The following TMLHE variants were observed in gnomAD, a reference collection of about 807,000 sequenced individuals.
TMLHE encodes the protein trimethyllysine dioxygenase, mitochondrial.
TMLHE carries 18 observed loss-of-function variants against 25.7 expected under a neutral mutation model. That is an observed-to-expected ratio of 0.70 (90% CI 0.48 to 1.04). The LOEUF (loss-of-function observed/expected upper bound fraction) is 1.04, where lower values mean the gene tolerates loss of function less well. Ranked by LOEUF, TMLHE falls within the 50% of genes least tolerant of loss-of-function variation. The pLI, the probability that TMLHE is intolerant of heterozygous loss-of-function variation, is 0.00. For missense variants in TMLHE, 236 were observed against 259.0 expected (o/e 0.91, Z 0.61); for synonymous variants, 105 against 97.0 (o/e 1.08, Z -0.49).
At chrX:155,579,848 A>G (rs923021346) in intron 1 of TMLHE, among the ~76,000 whole-genome samples, 24 of 111,345 alleles carry the variant, frequency 2.2e-4, no homozygotes, top group African/African-American at 6.5e-4. Context: ...AAATACTTCA[A>G]TATAAAACCA....
intron 2 of TMLHE, among the ~76,000 whole-genome samples, chrX:155,535,851 C>T (rs2067276054): frequency 8.9e-6 from 1 of 112,142 alleles, no homozygotes. Context: ...AGATTGCCTA[C>T]AAGGGTCTGC....
intron 5 of TMLHE, among the ~76,000 whole-genome samples, chrX:155,510,710 ACG>A (rs2067104390): frequency 9.2e-6 from 1 of 109,045 alleles, no homozygotes; most frequent in Non-Finnish European, 1.9e-5. Context: ...CAGTAAACAT[ACG>A]TGTGCATGTG....
intron 2 of TMLHE, among the ~76,000 whole-genome samples, chrX:155,535,014 G>C (rs1557337448): frequency 8.9e-6 from 1 of 111,882 alleles, no homozygotes; most frequent in Non-Finnish European, 1.9e-5. Flanking sequence ...ACAGCAAGAA[G>C]GCAGAGGGCA....
At chrX:155,557,435 G>C (rs2067465357) in intron 1 of TMLHE, among the ~76,000 whole-genome samples, 1 of 112,197 alleles carries the variant, frequency 8.9e-6, no homozygotes, top group Admixed American at 9.4e-5. Context: ...AATGGATGTT[G>C]TTTTAAACCA....
At chrX:155,586,077 A>T (rs1557345259) in intron 1 of TMLHE, among the ~76,000 whole-genome samples, 2 of 110,293 alleles carry the variant, frequency 1.8e-5, no homozygotes, top group African/African-American at 3.3e-5. Flanking sequence ...ATACAAAAAA[A>T]TTAGCCAAGC....
At chrX:155,532,156 A>G (rs1557337117) in intron 2 of TMLHE, among the ~76,000 whole-genome samples, 1 of 111,897 alleles carries the variant, frequency 8.9e-6, no homozygotes, top group African/African-American at 3.3e-5. Context: ...CTCAGTTTCC[A>G]TAAAATATTA....
intron 1 of TMLHE, among the ~76,000 whole-genome samples, chrX:155,578,811 G>A (rs1000941966): frequency 9.0e-6 from 1 of 111,145 alleles, no homozygotes; most frequent in Non-Finnish European, 1.9e-5. Flanking sequence ...TGCCACCACT[G>A]GGGCCCCAAA....
intron 2 of TMLHE, among the ~76,000 whole-genome samples, chrX:155,532,668 CGTGTGTGTGT>C (rs33944459): frequency 5.8e-4 from 50 of 86,093 alleles, no homozygotes; most frequent in African/African-American, 1.6e-3. Context: ...ATGCAAAATT[CGTGTGTGTGT>C]GTGTGTGTGT....
Position 155,524,515 on chromosome X carries a change from A to G in TMLHE, c.299T>C (p.Val100Ala). 8.3e-7 allele frequency: 1 copy of G among 1,208,545 alleles called. No homozygotes were observed. The highest frequency in any genetic ancestry group is 1.1e-6 in the Non-Finnish European group (1 of 893,971). ...GGTCTTTGGCTTGATACATAAATCC[A>G]CACTGGCAGTATCCAGGCTGCGCTG... ...THQRSLDTAS[V>A]DLCIKPKTIR... is the part of the protein sequence containing the mutation. The change falls in exon 3 of 8, where the codon GTG becomes GCG. Residue 100 changes from valine (V) to alanine (A), a missense_variant. This residue lies in a region of TMLHE where 217 missense variants were observed against 214.6 expected (regional missense o/e 1.01). Coordinates refer to ENST00000334398, the MANE Select transcript of TMLHE (RefSeq NM_018196.4).
At chrX:155,541,332 G>A (rs782603992) in intron 2 of TMLHE, among the ~76,000 whole-genome samples, 2 of 111,271 alleles carry the variant, frequency 1.8e-5, no homozygotes, top group Non-Finnish European at 3.8e-5. Context: ...TGCTGAGAAT[G>A]ATGGTCTCCA....
intron 1 of TMLHE, among the ~76,000 whole-genome samples, chrX:155,556,314 C>T (rs1258822183): frequency 9.0e-6 from 1 of 111,643 alleles, no homozygotes; most frequent in Non-Finnish European, 1.9e-5. Context: ...TCATGCCACA[C>T]CTGGACTTCT....
intron 1 of TMLHE, among the ~76,000 whole-genome samples, chrX:155,583,534 A>G (rs1557344883): frequency 9.3e-6 from 1 of 108,080 alleles, no homozygotes; most frequent in Non-Finnish European, 1.9e-5. Context: ...ATCAAGCACT[A>G]TTCACAAAGG....
At chrX:155,595,240 G>C (rs1419574759) in intron 1 of TMLHE, among the ~76,000 whole-genome samples, 4 of 111,713 alleles carry the variant, frequency 3.6e-5, no homozygotes, top group Admixed American at 9.5e-5. Context: ...TAATTTCATA[G>C]ACACCTCTTG....
intron 1 of TMLHE, among the ~76,000 whole-genome samples, chrX:155,605,160 G>C (rs2067779486): frequency 8.9e-6 from 1 of 111,980 alleles, no homozygotes; most frequent in South Asian, 3.7e-4. Context: ...AGGAATTTAA[G>C]GATTATAATA....
At chrX:155,590,526 A>G (rs989938271) in intron 1 of TMLHE, among the ~76,000 whole-genome samples, 14 of 111,864 alleles carry the variant, frequency 1.3e-4, no homozygotes, top group African/African-American at 4.2e-4. Context: ...TCACATATAG[A>G]CATAATATAC....
chrX:155,548,453 AGGCTG>A (rs1371106636), intron 1 of TMLHE, among the ~76,000 whole-genome samples: 1 of 110,710 alleles, frequency 9.0e-6, no homozygotes, highest in Admixed American at 9.5e-5. Context: ...GACATCCTAC[AGGCTG>A]GGCACGGTGG....
chrX:155,579,562 G>A (rs1254835186), intron 1 of TMLHE, among the ~76,000 whole-genome samples: 1 of 111,620 alleles, frequency 9.0e-6, no homozygotes, highest in African/African-American at 3.3e-5. Flanking sequence ...ACACGTGCAG[G>A]TTTGTTACAA....
At chrX:155,542,985 A>G (rs1331577577) in intron 2 of TMLHE, among the ~76,000 whole-genome samples, 6 of 110,676 alleles carry the variant, frequency 5.4e-5, no homozygotes, top group South Asian at 3.8e-4. Context: ...TAATGTGTCT[A>G]TTTTTATGCC....
chrX:155,604,447 A>G (rs1557347655), intron 1 of TMLHE, among the ~76,000 whole-genome samples: 1 of 111,734 alleles, frequency 8.9e-6, no homozygotes, highest in African/African-American at 3.3e-5. Flanking sequence ...CCCAGGATGA[A>G]TGCTCCAAAT....
Sources: gnomAD v4.1 joint callset for allele counts (sites outside exome capture counted in the v4.1 genomes callset) on GRCh38, gnomAD v4.1.1 for gene constraint, gnomAD v4.1.1 regional missense constraint, MANE v1.5 for transcripts, NCBI Gene and HGNC (gene_info 2026-07-23, HGNC 2026-07-21) for gene names.